OR3A2: variants seen among roughly 807,000 people sequenced by gnomAD.
OR3A2 encodes olfactory receptor family 3 subfamily A member 2.
For synonymous variants in OR3A2, 126 were observed against 159.3 expected (o/e 0.79, Z 1.57); for missense variants, 318 against 392.8 (o/e 0.81, Z 1.61).
Position 3,343,934 on chromosome 17 carries a change from G to C in OR3A2, c.-178-7808C>G, listed in dbSNP as rs145367596. Among the ~76,000 whole-genome samples the C allele has an allele frequency of 2.8e-3, 421 of 152,222 alleles. 4 individuals are homozygous for C. The East Asian group carries it at 0.036, about 13-fold the overall frequency. On this transcript the variant is annotated intron_variant, in intron 2 of 4. Transcript: ENST00000573491. Reference sequence around the variant, plus strand: ...CTTGAAATGCTGTCCCATCACCATGGACAACCTATGTCATCAAAGAAGCAG... The same window carrying C: ...CTTGAAATGCTGTCCCATCACCATGCACAACCTATGTCATCAAAGAAGCAG...
At chr17:3,358,167 C>T (rs1441053556) in intron 2 of OR3A2, among the ~76,000 whole-genome samples, 1 of 151,666 alleles carries the variant, frequency 6.6e-6, no homozygotes, top group Non-Finnish European at 1.5e-5. Flanking sequence ...ATTAAATTAG[C>T]AATTTAAAAT....
chr17:3,332,472 G>A (rs1390165753), intron 3 of OR3A2, among the ~76,000 whole-genome samples: 10 of 152,312 alleles, frequency 6.6e-5, no homozygotes, highest in South Asian at 2.1e-4. Flanking sequence ...TTCCAGGTGC[G>A]TCCGTCACCC....
At chr17:3,329,648 C>T (rs2049211682) in intron 3 of OR3A2, among the ~76,000 whole-genome samples, 4 of 140,190 alleles carry the variant, frequency 2.9e-5, no homozygotes, top group East Asian at 2.0e-4. Context: ...TTTGTTGATC[C>T]TTTCAAAAAA....
At chr17:3,302,115 C>G (rs949959320) in intron 3 of OR3A2, among the ~76,000 whole-genome samples, 5 of 152,158 alleles carry the variant, frequency 3.3e-5, no homozygotes, top group African/African-American at 1.2e-4. Flanking sequence ...AATGGAAGAA[C>G]ATTCCATGCT....
At chr17:3,316,645 G>T (rs554851859) in intron 3 of OR3A2, among the ~76,000 whole-genome samples, 1 of 152,332 alleles carries the variant, frequency 6.6e-6, no homozygotes, top group South Asian at 2.1e-4. Context: ...CCAGGACCAG[G>T]ATTAGAAAAT....
intron 2 of OR3A2, among the ~76,000 whole-genome samples, chr17:3,376,698 C>T (rs909154312): frequency 6.6e-6 from 1 of 152,168 alleles, no homozygotes; most frequent in African/African-American, 2.4e-5. Flanking sequence ...CCCCAGGCTA[C>T]CAGCCTCCCC....
intron 2 of OR3A2, among the ~76,000 whole-genome samples, chr17:3,343,080 C>A (rs2049333650): frequency 6.6e-6 from 1 of 152,216 alleles, no homozygotes; most frequent in South Asian, 2.1e-4. Context: ...GGGATATAAT[C>A]TCCTGGTGTG....
intron 2 of OR3A2, among the ~76,000 whole-genome samples, chr17:3,359,799 T>G (rs34607849): frequency 6.6e-6 from 1 of 151,758 alleles, no homozygotes; most frequent in Non-Finnish European, 1.5e-5. Flanking sequence ...ATGTGCCACA[T>G]TTTCTTAATC....
chr17:3,344,372 G>A (rs1486375003), intron 2 of OR3A2, among the ~76,000 whole-genome samples: 1 of 152,030 alleles, frequency 6.6e-6, no homozygotes, highest in African/African-American at 2.4e-5. Context: ...CCCTGCATCT[G>A]CCAACCACAA....
chr17:3,291,893 T>C (rs148607116), intron 3 of OR3A2: 1 of 1,614,076 alleles, frequency 6.2e-7, no homozygotes, highest in Non-Finnish European at 8.5e-7. Flanking sequence ...CAGAGCGAAT[T>C]CGCAGGACTG....
chr17:3,301,002 C>T (rs1429952335), intron 3 of OR3A2, among the ~76,000 whole-genome samples: 1 of 152,142 alleles, frequency 6.6e-6, no homozygotes, highest in Non-Finnish European at 1.5e-5. Context: ...TCATCCCTGT[C>T]CTTACAAAGG....
At chr17:3,355,632 G>A (rs757590464) in intron 2 of OR3A2, among the ~76,000 whole-genome samples, 7 of 151,102 alleles carry the variant, frequency 4.6e-5, no homozygotes, top group Non-Finnish European at 8.8e-5. Context: ...TGTAAGTATA[G>A]CTACTTCTGC....
chr17:3,371,790 A>C (rs1248439104), intron 2 of OR3A2, among the ~76,000 whole-genome samples: 9 of 100,978 alleles, frequency 8.9e-5, no homozygotes, highest in South Asian at 3.5e-4. Context: ...GGCGCCCCTC[A>C]CCTCCTGGCC....
chr17:3,372,837 GAGA>G (rs1306839598), intron 2 of OR3A2, among the ~76,000 whole-genome samples: 1,421 of 129,570 alleles, frequency 0.011, 43 homozygotes, highest in African/African-American at 0.04. Context: ...GGAGAGGGAG[GAGA>G]AGGAGAAGGA....
chr17:3,281,530 G>A (rs538232342), intron 1 of OR3A2, among the ~76,000 whole-genome samples: 2 of 152,068 alleles, frequency 1.3e-5, no homozygotes, highest in Non-Finnish European at 1.5e-5. Context: ...CACCGCGCCC[G>A]GCAGCATCAG....
intron 2 of OR3A2, among the ~76,000 whole-genome samples, chr17:3,376,204 T>G (rs570922805): frequency 6.6e-6 from 1 of 152,240 alleles, no homozygotes; most frequent in Non-Finnish European, 1.5e-5. Flanking sequence ...TGAGTTGCTG[T>G]AATGGCTTTA....
intron 3 of OR3A2, among the ~76,000 whole-genome samples, chr17:3,307,816 C>G (rs1413645659): frequency 6.6e-6 from 1 of 152,138 alleles, no homozygotes; most frequent in Non-Finnish European, 1.5e-5. Context: ...GGAGGAAATC[C>G]TGACCTAGGC....
intron 3 of OR3A2, among the ~76,000 whole-genome samples, chr17:3,299,814 A>G (rs1471012494): frequency 6.6e-6 from 1 of 152,202 alleles, no homozygotes. Flanking sequence ...ATGTGTAAAA[A>G]CAGAATAATA....
At chr17:3,345,138 G>A (rs1023874765) in intron 2 of OR3A2, among the ~76,000 whole-genome samples, 1 of 152,198 alleles carries the variant, frequency 6.6e-6, no homozygotes, top group Non-Finnish European at 1.5e-5. Flanking sequence ...GTACCACGAT[G>A]CTGATGTAGG....
Sources: allele counts gnomAD v4.1 joint callset (sites outside exome capture counted in the v4.1 genomes callset), GRCh38; gene constraint gnomAD v4.1.1; transcripts MANE v1.5; gene names NCBI Gene and HGNC (gene_info 2026-07-23, HGNC 2026-07-21).